Variants in SIRT3 observed in about 807,000 individuals in gnomAD.
SIRT3 encodes the protein NAD-dependent protein deacetylase sirtuin-3, mitochondrial.
A neutral mutation model predicts 33.5 loss-of-function variants in SIRT3; 26 were observed. That is an observed-to-expected ratio of 0.78 (90% confidence interval 0.57 to 1.08). The LOEUF (loss-of-function observed/expected upper bound fraction) is 1.08. SIRT3 is among the 50% of genes least tolerant of loss of function. The probability of loss-of-function intolerance (pLI) is 0.00; values close to 1 mark genes in which losing one functional copy is unlikely to be tolerated. For missense variants in SIRT3, 585 were observed against 530.1 expected, an observed-to-expected ratio of 1.10 and a Z score of -1.02; for synonymous variants, 237 against 222.1, an observed-to-expected ratio of 1.07 and a Z score of -0.60.
chr11:234,637 G>C (rs966444214), intron 1 of SIRT3, among the ~76,000 whole-genome samples: 2 of 152,138 alleles, frequency 1.3e-5, no homozygotes, highest in South Asian at 4.1e-4. Flanking sequence ...GGATGGTCTC[G>C]ATCTCCTGAC....
rs1374805412 is a variant in SIRT3, at chr11:233,488, T to C, written c.328A>G (p.Ser110Gly). 1 of 1,613,972 alleles carries C rather than the reference T, an allele frequency of 6.2e-7. No homozygotes were observed. Among genetic ancestry groups the C allele is most frequent in the East Asian group, 2.2e-5 (1 of 44,886 alleles). Reference protein sequence around the residue: ...RSISFSVGASSVVGSGGSSDK... With the variant: ...RSISFSVGASGVVGSGGSSDK... ...CTGCTGCCTCCACTTCCAACAACAC[T>C]TGAAGCACCCACAGAAAAAGATATG... is the stretch of plus-strand genomic sequence containing the variant. The change falls in exon 2 of 7, where the codon AGT becomes GGT. Residue 110 changes from serine (S) to glycine (G), a missense_variant. By Grantham distance (56) the Ser-to-Gly change is moderately conservative. Transcript: ENST00000382743.
upstream of SIRT3, chr11:236,914 C>T: frequency 4.1e-6 from 3 of 730,530 alleles, no homozygotes; most frequent in Non-Finnish European, 7.1e-6. Context: ...CCAGCGGGGC[C>T]CGCCCCCGGC....
intron 4 of SIRT3, chr11:226,010 G>C (rs1307065970): frequency 6.6e-6 from 1 of 152,262 alleles, no homozygotes; most frequent in African/African-American, 2.4e-5. Context: ...TTCAAAGAGG[G>C]AGGGTGGCTG....
chr11:232,987 C>A lies in SIRT3; in HGVS notation c.702G>T (p.Glu234Asp). 1 of 1,614,022 alleles carries A rather than the reference C, an allele frequency of 6.2e-7. No homozygotes were observed. Among genetic ancestry groups the A allele is most frequent in the Non-Finnish European group, 8.5e-7 (1 of 1,179,896 alleles). Residue 234 changes from glutamate (E) to aspartate (D), a missense_variant, in exon 3 of 7, where the codon GAG (glutamate) becomes GAT (aspartate). Transcript: ENST00000382743. ...RLYTQNIDGL[E>D]RVSGIPASKL... ...TGCGACTCACAGAGGGCTCACCTCT[C>A]TCAAGCCCATCGATGTTCTGCGTGT...
chr11:236,293 G>T lies in SIRT3; in HGVS notation c.36C>A (p.Leu12=). ...GTTCAACTACCCGGCCCCACAGCCGGAGGGCTGCCGCGGCGCGCCAACCCC... is the reference window on the plus strand; with the variant it reads ...GTTCAACTACCCGGCCCCACAGCCGTAGGGCTGCCGCGGCGCGCCAACCCC... The part of the protein sequence containing the change: ...AFWGWRAAAA[L]RLWGRVVERV... Residue 12 remains leucine, a synonymous_variant, in exon 1 of 7, where the codon CTC becomes CTA. Coordinates refer to ENST00000382743, the MANE Select transcript of SIRT3 (RefSeq NM_012239.6). 6.5e-7 allele frequency: 1 copy of T among 1,529,666 alleles called. No homozygotes were observed. The highest frequency in any genetic ancestry group is 8.7e-7 in the Non-Finnish European group (1 of 1,145,072). The allele number at this position is 1,529,666 out of a possible 1,614,324, so 94.8% of individuals were successfully genotyped here. A position where few individuals can be genotyped will look rare whatever the true frequency, so the allele number is the denominator to read the frequency against.
At chr11:225,253 A>C (rs899808718) in intron 4 of SIRT3, among the ~76,000 whole-genome samples, 11 of 152,086 alleles carry the variant, frequency 7.2e-5, no homozygotes, top group African/African-American at 2.7e-4. Context: ...CTCTACTAAA[A>C]CACAAAAAAT....
At chr11:233,642 G>A (rs1858435922) in intron 1 of SIRT3, 108 bp from the exon 2 acceptor site, 3 of 1,012,618 alleles carry the variant, frequency 3.0e-6, no homozygotes, top group Admixed American at 2.2e-5. Context: ...TCGAGAATGA[G>A]CATGTGTGTC....
chr11:217,171 C>T (rs72878036), intron 6 of SIRT3, among the ~76,000 whole-genome samples: 24,206 of 152,298 alleles, frequency 0.16, 2,459 homozygotes, highest in Non-Finnish European at 0.22. Flanking sequence ...GAAGTTGGGC[C>T]GGGCCTGCTG....
rs199731840 is a variant in SIRT3 at position 230,559 on chromosome 11, T to A, written c.707-7A>T. 5 of 1,502,452 alleles carry A rather than the reference T, an allele frequency of 3.3e-6. No homozygotes were observed. The highest frequency in any genetic ancestry group is 4.4e-6 in the Non-Finnish European group (5 of 1,126,062). 93.1% of individuals were successfully genotyped at this position (1,502,452 alleles called of 1,614,324 possible). On this transcript the variant is annotated splice_region_variant and splice_polypyrimidine_tract_variant and intron_variant, in intron 3 of 6. Coordinates refer to ENST00000382743, the MANE Select transcript of SIRT3 (RefSeq NM_012239.6). ...GAGGCAGGGATGCCCGACACTGAAATTCAAGCCAAAGCGAAGTGTTGCTGC... is the reference window on the plus strand; with the variant it reads ...GAGGCAGGGATGCCCGACACTGAAAATCAAGCCAAAGCGAAGTGTTGCTGC...
intron 3 of SIRT3, among the ~76,000 whole-genome samples, chr11:232,642 A>G (rs4980327): frequency 0.16 from 23,663 of 152,078 alleles, 2,302 homozygotes; most frequent in Middle Eastern, 0.22. Flanking sequence ...AAAAAATTCC[A>G]TAATACACTT....
chr11:223,587 G>T lies in SIRT3; in HGVS notation c.969+491C>A, dbSNP rs117994356. The T allele has an allele frequency of 9.9e-3, 4,345 of 439,152 alleles. 80 individuals are homozygous for T. Among genetic ancestry groups the T allele is most frequent in the Admixed American group, 0.035 (1,037 of 29,512 alleles). The allele number at this position is 439,152 out of a possible 1,614,324, so 27.2% of individuals were successfully genotyped here. The stretch of plus-strand genomic sequence containing the variant: ...CATCAGTATTCCTGATCTGACCTGG[G>T]AGGCCCTGCCCCTCCACCTCGCCCC... On this transcript the variant is annotated intron_variant, in intron 5 of 6. Coordinates refer to ENST00000382743, the MANE Select transcript of SIRT3 (RefSeq NM_012239.6). This position sits in a 1 kb window ranked among gnomAD's most constrained non-coding sequence, Gnocchi z 4.8.
chr11:227,210 C>G (rs1199929134), intron 4 of SIRT3, among the ~76,000 whole-genome samples: 1 of 151,518 alleles, frequency 6.6e-6, no homozygotes, highest in Non-Finnish European at 1.5e-5. Flanking sequence ...GAGGCCGAGG[C>G]GGGTGGATCA....
At chr11:230,715 G>A (rs1310460094) in intron 3 of SIRT3, 163 bp from the exon 4 acceptor site, 12 of 409,026 alleles carry the variant, frequency 2.9e-5, no homozygotes, top group East Asian at 7.2e-5. Flanking sequence ...ACCTACATGC[G>A]CCATCAACCA....
chr11:217,404 G>A (rs989256527), intron 6 of SIRT3, among the ~76,000 whole-genome samples: 1 of 152,186 alleles, frequency 6.6e-6, no homozygotes, highest in Non-Finnish European at 1.5e-5. Flanking sequence ...AGCCAAAATC[G>A]TGCCATTGCA....
intron 4 of SIRT3, 131 bp from the exon 5 acceptor site, chr11:224,370 T>C: frequency 3.2e-6 from 3 of 931,434 alleles, no homozygotes; most frequent in Non-Finnish European, 4.8e-6. Flanking sequence ...TGAACCCCCA[T>C]GTACCCAGCT....
intron 6 of SIRT3, 108 bp downstream of exon 6, chr11:218,724 A>G: frequency 6.4e-7 from 1 of 1,555,608 alleles, no homozygotes; most frequent in Non-Finnish European, 8.7e-7. Context: ...CAGCATCATC[A>G]GCTATTACTG....
intron 4 of SIRT3, among the ~76,000 whole-genome samples, chr11:226,698 G>A (rs1008803758): frequency 2.0e-5 from 3 of 147,618 alleles, no homozygotes; most frequent in Non-Finnish European, 4.5e-5. Context: ...AGGAGCCACC[G>A]CGCCCAGCCT....
At chr11:236,349 T>C (rs779348800), upstream of SIRT3, 1 of 1,204,146 alleles carries the variant, frequency 8.3e-7, no homozygotes, top group Non-Finnish European at 1.0e-6. Flanking sequence ...GTCCAAGGAG[T>C]CCTCCGGACT....
chr11:226,457 G>T (rs1358665999), intron 4 of SIRT3, among the ~76,000 whole-genome samples: 1 of 152,150 alleles, frequency 6.6e-6, no homozygotes, highest in African/African-American at 2.4e-5. Flanking sequence ...CACCCAGGCT[G>T]GAGTGCAGTG....
Sources: gnomAD v4.1 joint callset for allele counts (sites outside exome capture counted in the v4.1 genomes callset) on GRCh38, gnomAD v4.1.1 for gene constraint, Gnocchi (gnomAD v3.1) non-coding constraint, MANE v1.5 for transcripts, NCBI Gene and HGNC (gene_info 2026-07-23, HGNC 2026-07-21) for gene names.